CFAP77: variants seen among roughly 807,000 people sequenced by gnomAD.
CFAP77 encodes the protein cilia and flagella associated protein 77, also known as cilia- and flagella-associated protein 77.
CFAP77 carries 25 observed loss-of-function variants against 31.1 expected under a neutral mutation model. That is an observed-to-expected ratio of 0.80 (90% CI 0.59 to 1.12). The LOEUF (loss-of-function observed/expected upper bound fraction) is 1.12. Ranked by LOEUF, CFAP77 falls within the 50% of genes most tolerant of loss-of-function variation. The pLI is 0.00. For missense variants in CFAP77, 377 were observed against 397.3 expected, an observed-to-expected ratio of 0.95 and a Z score of 0.44; for synonymous variants, 151 against 159.9, an observed-to-expected ratio of 0.94 and a Z score of 0.42.
intron 1 of CFAP77, among the ~76,000 whole-genome samples, chr9:132,435,221 G>T (rs896013424): frequency 2.0e-5 from 3 of 152,138 alleles, no homozygotes; most frequent in African/African-American, 7.2e-5. Flanking sequence ...TCCTCTCCCC[G>T]TGAAGGCTAA....
intron 1 of CFAP77, among the ~76,000 whole-genome samples, chr9:132,417,165 A>G: frequency 6.8e-6 from 1 of 146,170 alleles, no homozygotes; most frequent in Admixed American, 6.9e-5. Flanking sequence ...CCCAGGCTGG[A>G]GTGCAGTGGC....
chr9:132,476,598 C>G (rs138282293), intron 1 of CFAP77, among the ~76,000 whole-genome samples: 154 of 152,218 alleles, frequency 1.0e-3, no homozygotes, highest in African/African-American at 3.5e-3. Context: ...AGTTAAGGCT[C>G]TCAAGATGAT....
intron 1 of CFAP77, among the ~76,000 whole-genome samples, chr9:132,486,030 A>G (rs1209579658): frequency 1.2e-3 from 26 of 22,372 alleles, no homozygotes; most frequent in African/African-American, 2.8e-3. Context: ...ATATATATAT[A>G]TATATATATA....
At chr9:132,492,159 G>A (rs1851662807) in intron 1 of CFAP77, among the ~76,000 whole-genome samples, 1 of 152,056 alleles carries the variant, frequency 6.6e-6, no homozygotes. Flanking sequence ...GTGGTGATGC[G>A]GGCCTGTAGT....
At chr9:132,532,668 CTCCATT>C (rs755052329) in intron 3 of CFAP77, among the ~76,000 whole-genome samples, 2 of 152,192 alleles carry the variant, frequency 1.3e-5, no homozygotes, top group Non-Finnish European at 2.9e-5. Flanking sequence ...CTCTCAGCAC[CTCCATT>C]TCCTCATTCT....
rs150500260 is a variant in CFAP77 at position 132,454,333 on chromosome 9, C to G, written c.195+43867C>G. Among the ~76,000 whole-genome samples the G allele has an allele frequency of 4.1e-3, 631 of 152,168 alleles. 4 individuals are homozygous for G. Among genetic ancestry groups the G allele is most frequent in the African/African-American group, 0.014 (572 of 41,488 alleles). On this transcript the variant is annotated intron_variant, in intron 1 of 5. Transcript: ENST00000393216. ...AAAACACAGTGAGTAGCTTGTCATC[C>G]CAGGAAACCGAGGGCTTTCTAAAAT...
chr9:132,453,980 C>A (rs1161844631), intron 1 of CFAP77, among the ~76,000 whole-genome samples: 3 of 152,124 alleles, frequency 2.0e-5, no homozygotes, highest in Non-Finnish European at 4.4e-5. Context: ...AAATTACAGT[C>A]CTAATAAGTA....
rs768593108 is a variant in CFAP77 at position 132,517,762 on chromosome 9, C to G, written c.524+18162C>G. On this transcript the variant is annotated intron_variant, in intron 3 of 5. Coordinates refer to ENST00000393216, the MANE Select transcript of CFAP77 (RefSeq NM_001282957.2). This position sits in a 1 kb window ranked among gnomAD's most constrained non-coding sequence, Gnocchi z 4.7. The stretch of plus-strand genomic sequence containing the variant: ...ATCAGAGCTGTCAGCCCTCATCCCC[C>G]GCACACACAAAGTGTCAGCCTAATG... Among the ~76,000 whole-genome samples the G allele has an allele frequency of 1.3e-5, 2 of 152,252 alleles. No individual in the cohort carries two copies. The highest frequency in any genetic ancestry group is 2.9e-5 in the Non-Finnish European group (2 of 68,048).
intron 1 of CFAP77, among the ~76,000 whole-genome samples, chr9:132,472,100 A>G (rs1220218796): frequency 6.7e-6 from 1 of 149,130 alleles, no homozygotes; most frequent in Non-Finnish European, 1.5e-5. Context: ...CGCCGCCCCC[A>G]TGATTCCATC....
Position 132,550,939 on chromosome 9 carries a change from A to G in CFAP77, c.732+7892A>G, listed in dbSNP as rs1159350576. On this transcript the variant is annotated intron_variant, in intron 5 of 5. Transcript: ENST00000393216. ...TCTGGCAAAAGTGCAGGTGAAATGG[A>G]CCAAGATGCTACAAACACAGCCTGA... Among the ~76,000 whole-genome samples, 4 of 152,102 alleles carry G rather than the reference A, an allele frequency of 2.6e-5. No homozygotes were observed. In the East Asian group the frequency reaches 5.8e-4, roughly 22 times the overall value.
chr9:132,541,198 C>T (rs777948661), intron 4 of CFAP77, among the ~76,000 whole-genome samples: 9 of 152,156 alleles, frequency 5.9e-5, no homozygotes, highest in Admixed American at 2.0e-4. Context: ...AGATGAAATT[C>T]GTGGCAACAG....
Position 132,424,558 on chromosome 9 carries a change from T to C in CFAP77, c.195+14092T>C, listed in dbSNP as rs1056159770. On this transcript the variant is annotated intron_variant, in intron 1 of 5. Transcript: ENST00000393216. This position sits in a 1 kb window ranked among gnomAD's most constrained non-coding sequence, Gnocchi z 4.1. ...TGGCTGCCATGAGCTTGGGTGCATT[T>C]TTAGGGGAAGTCTGGAGGAAGCACA... Among the ~76,000 whole-genome samples the C allele has an allele frequency of 2.0e-5, 3 of 152,050 alleles. No individual in the cohort carries two copies. Among genetic ancestry groups the C allele is most frequent in the Admixed American group, 6.6e-5 (1 of 15,266 alleles).
chr9:132,437,311 C>T (rs981673131), intron 1 of CFAP77, among the ~76,000 whole-genome samples: 3 of 151,964 alleles, frequency 2.0e-5, no homozygotes, highest in Non-Finnish European at 4.4e-5. Context: ...AGACCATGGG[C>T]TAAGGCTCGA....
intron 3 of CFAP77, among the ~76,000 whole-genome samples, chr9:132,536,542 C>T (rs752519343): frequency 6.6e-5 from 10 of 152,116 alleles, no homozygotes; most frequent in Admixed American, 2.6e-4. Flanking sequence ...TACAGGCACA[C>T]GCCACCACAC....
chr9:132,517,218 G>C lies in CFAP77; in HGVS notation c.524+17618G>C, dbSNP rs1852164076. Among the ~76,000 whole-genome samples the C allele has an allele frequency of 6.6e-6, 1 of 152,188 alleles. No individual in the cohort carries two copies. Among genetic ancestry groups the C allele is most frequent in the African/African-American group, 2.4e-5 (1 of 41,452 alleles). Reference sequence around the variant, plus strand: ...TACGGTCTCAGGCCCAGCCTCAGAGGCCACCATCCGCCCCTCCGTCCCTTC... The same window carrying C: ...TACGGTCTCAGGCCCAGCCTCAGAGCCCACCATCCGCCCCTCCGTCCCTTC... On this transcript the variant is annotated intron_variant, in intron 3 of 5. Transcript: ENST00000393216. The surrounding 1 kb of genome is among the most constrained non-coding windows in gnomAD (Gnocchi z 4.7).
intron 1 of CFAP77, among the ~76,000 whole-genome samples, chr9:132,460,885 C>T (rs1409476586): frequency 6.6e-6 from 1 of 152,048 alleles, no homozygotes; most frequent in Non-Finnish European, 1.5e-5. Flanking sequence ...GCCACCACGC[C>T]CAGCTAATTT....
chr9:132,510,727 G>T (rs1350415946), intron 3 of CFAP77, among the ~76,000 whole-genome samples: 1 of 152,144 alleles, frequency 6.6e-6, no homozygotes, highest in Non-Finnish European at 1.5e-5. Flanking sequence ...AGAGCTGCAC[G>T]CTGGGCCCCA....
In CFAP77 at chr9:132,539,274, G is replaced by A. The variant is rs190205985; in HGVS notation, c.630+1568G>A. Among the ~76,000 whole-genome samples, 16 of 152,162 alleles carry A rather than the reference G, an allele frequency of 1.1e-4. No homozygotes were observed. In the South Asian group the frequency reaches 2.3e-3, roughly 22 times the overall value. On this transcript the variant is annotated intron_variant, in intron 4 of 5. Coordinates refer to ENST00000393216, the MANE Select transcript of CFAP77 (RefSeq NM_001282957.2). The surrounding 1 kb of genome is among the most constrained non-coding windows in gnomAD (Gnocchi z 4.3). ...GACTTCATCAAGGCGTGGCTCCGGC[G>A]TGGCTAGTTGTCATGACAATCACAA... is the stretch of plus-strand genomic sequence containing the variant.
At chr9:132,559,749 C>T (rs1852964331) in intron 5 of CFAP77, among the ~76,000 whole-genome samples, 1 of 152,148 alleles carries the variant, frequency 6.6e-6, no homozygotes, top group Admixed American at 6.6e-5. Context: ...AAGCATTACT[C>T]ATAATAGTCA....
Sources: gnomAD v4.1 joint callset for allele counts (sites outside exome capture counted in the v4.1 genomes callset) on GRCh38, gnomAD v4.1.1 for gene constraint, Gnocchi (gnomAD v3.1) non-coding constraint, MANE v1.5 for transcripts, NCBI Gene and HGNC (gene_info 2026-07-23, HGNC 2026-07-21) for gene names.